The following THSD7B variants were observed in gnomAD, a reference collection of about 807,000 sequenced individuals.
THSD7B encodes thrombospondin type 1 domain containing 7B.
Under a neutral mutation model 213.6 loss-of-function variants are expected in THSD7B, and 138 were observed. That is an observed-to-expected ratio of 0.65 (90% CI 0.56 to 0.74). The LOEUF (loss-of-function observed/expected upper bound fraction) is 0.74, where lower values mean the gene tolerates loss of function less well. Among genes scored for constraint, THSD7B ranks in the 30% least tolerant of loss-of-function variants. THSD7B has a pLI of 0.00. For synonymous variants in THSD7B, 742 were observed against 687.0 expected, an observed-to-expected ratio of 1.08 and a Z score of -1.25; for missense variants, 1,931 against 1,991.5, an observed-to-expected ratio of 0.97 and a Z score of 0.58.
rs144718664 is a variant in THSD7B at position 136,978,488 on chromosome 2, A to G, written c.140-77932A>G. ...CTAGGTGCTCCTGTATTGAGTGCAT[A>G]TATATTTAGGATAGTTAGCACTTCT... is the stretch of plus-strand genomic sequence containing the variant. On this transcript the variant is annotated intron_variant, in intron 2 of 27. Coordinates refer to ENST00000409968, the MANE Select transcript of THSD7B (RefSeq NM_001316349.2). Among the ~76,000 whole-genome samples, 266 of 152,276 alleles carry G rather than the reference A, an allele frequency of 1.7e-3. 1 individual carries two copies. Among genetic ancestry groups the G allele is most frequent in the African/African-American group, 6.2e-3 (258 of 41,550 alleles).
At chr2:136,800,521 C>T (rs183469947) in intron 1 of THSD7B, among the ~76,000 whole-genome samples, 386 of 152,032 alleles carry the variant, frequency 2.5e-3, no homozygotes, top group Non-Finnish European at 4.0e-3. Context: ...AAACTTAAAA[C>T]GGGCAACCAA....
intron 15 of THSD7B, among the ~76,000 whole-genome samples, chr2:137,465,347 A>C (rs1394555852): frequency 5.9e-5 from 9 of 152,126 alleles, no homozygotes; most frequent in Non-Finnish European, 2.9e-5. Flanking sequence ...AGAAGCCTAA[A>C]AATATCTAAT....
chr2:136,831,967 AC>A (rs1362650405), intron 1 of THSD7B, among the ~76,000 whole-genome samples: 3 of 152,122 alleles, frequency 2.0e-5, no homozygotes, highest in Admixed American at 6.5e-5. Context: ...CTCATTTGGC[AC>A]CTAGCAAATG....
At chr2:137,318,793 T>TC (rs1684190635) in intron 12 of THSD7B, among the ~76,000 whole-genome samples, 2 of 131,796 alleles carry the variant, frequency 1.5e-5, no homozygotes, top group Admixed American at 1.5e-4. Flanking sequence ...TATCTTTTTT[T>TC]TTTTTTTTTT....
intron 2 of THSD7B, among the ~76,000 whole-genome samples, chr2:136,919,883 C>A (rs552077225): frequency 1.3e-5 from 2 of 152,200 alleles, no homozygotes; most frequent in African/African-American, 2.4e-5. Flanking sequence ...GCATAGGGAC[C>A]GGCTCTGTGA....
intron 15 of THSD7B, among the ~76,000 whole-genome samples, chr2:137,480,014 T>C (rs890705385): frequency 6.6e-5 from 10 of 152,210 alleles, no homozygotes; most frequent in Non-Finnish European, 1.5e-4. Flanking sequence ...GTCTTTCATT[T>C]ACCCTTTTCC....
chr2:137,475,736 T>C (rs998527345), intron 15 of THSD7B, among the ~76,000 whole-genome samples: 4 of 152,212 alleles, frequency 2.6e-5, no homozygotes, highest in African/African-American at 9.6e-5. Flanking sequence ...ACATCTAGGT[T>C]GATTCCATAT....
intron 15 of THSD7B, among the ~76,000 whole-genome samples, chr2:137,534,016 GCGCACACACA>G (rs1218663331): frequency 2.9e-5 from 4 of 136,170 alleles, no homozygotes; most frequent in Admixed American, 7.1e-5. Context: ...GTGTGTGTGC[GCGCACACACA>G]CACACACACA....
intron 12 of THSD7B, among the ~76,000 whole-genome samples, chr2:137,399,385 G>T (rs544574868): frequency 6.6e-6 from 1 of 152,044 alleles, no homozygotes; most frequent in East Asian, 1.9e-4. Flanking sequence ...TAGAGATGGG[G>T]TTTCACCATG....
chr2:136,914,652 T>C (rs1330369323), intron 2 of THSD7B, among the ~76,000 whole-genome samples: 1 of 152,198 alleles, frequency 6.6e-6, no homozygotes, highest in Non-Finnish European at 1.5e-5. Context: ...GTTTCTGCTT[T>C]TGCTTCTTCC....
chr2:137,352,140 G>T (rs1685027602), intron 12 of THSD7B, among the ~76,000 whole-genome samples: 1 of 151,776 alleles, frequency 6.6e-6, no homozygotes, highest in Non-Finnish European at 1.5e-5. Context: ...AAAAAGAGAA[G>T]GGGGCAGGGG....
At chr2:137,341,152 G>A (rs1253647047) in intron 12 of THSD7B, among the ~76,000 whole-genome samples, 1 of 151,466 alleles carries the variant, frequency 6.6e-6, no homozygotes, top group Non-Finnish European at 1.5e-5. Flanking sequence ...TAATATGTGA[G>A]ACGATACCTC....
intron 5 of THSD7B, among the ~76,000 whole-genome samples, chr2:137,127,017 C>A (rs879850887): frequency 1.3e-4 from 20 of 151,836 alleles, no homozygotes; most frequent in Non-Finnish European, 2.6e-4. Flanking sequence ...AAAACAATGA[C>A]AATAATAACA....
chr2:137,616,051 G>A, intron 17 of THSD7B, 124 bp from the exon 18 acceptor site: 2 of 970,926 alleles, frequency 2.1e-6, no homozygotes, highest in Non-Finnish European at 2.9e-6. Flanking sequence ...TAAGTAATAT[G>A]TTTAACCCTC....
chr2:137,060,430 C>T (rs1487153591), intron 3 of THSD7B, among the ~76,000 whole-genome samples: 1 of 151,482 alleles, frequency 6.6e-6, no homozygotes, highest in Non-Finnish European at 1.5e-5. Context: ...AAAAATATCA[C>T]TAAACCCAAA....
intron 20 of THSD7B, among the ~76,000 whole-genome samples, chr2:137,621,012 G>A (rs1275561999): frequency 6.6e-6 from 1 of 152,108 alleles, no homozygotes; most frequent in Non-Finnish European, 1.5e-5. Flanking sequence ...AAAACATGTT[G>A]GCCTCAGTGG....
intron 4 of THSD7B, among the ~76,000 whole-genome samples, chr2:137,103,058 T>G (rs7607976): frequency 0.33 from 50,778 of 151,874 alleles, 10,649 homozygotes; most frequent in African/African-American, 0.59. Context: ...TACTCCTCAA[T>G]AAGAGCAACC....
At chr2:136,985,206 C>G (rs868237135) in intron 2 of THSD7B, among the ~76,000 whole-genome samples, 3 of 152,216 alleles carry the variant, frequency 2.0e-5, no homozygotes, top group African/African-American at 7.2e-5. Context: ...GAGAGATTAG[C>G]AGGATTGGAA....
At chr2:137,506,515 G>T (rs1375371239) in intron 15 of THSD7B, among the ~76,000 whole-genome samples, 2 of 152,230 alleles carry the variant, frequency 1.3e-5, no homozygotes, top group Non-Finnish European at 1.5e-5. Flanking sequence ...CTACCTGCCT[G>T]TGATTCTCTG....
Sources: allele counts gnomAD v4.1 joint callset (sites outside exome capture counted in the v4.1 genomes callset), GRCh38; gene constraint gnomAD v4.1.1; transcripts MANE v1.5; gene names NCBI Gene and HGNC (gene_info 2026-07-23, HGNC 2026-07-21).